AGFG1: variants seen among roughly 807,000 people sequenced by gnomAD.
The protein encoded by AGFG1 is ArfGAP with FG repeats 1.
Under a neutral mutation model 60.6 loss-of-function variants are expected in AGFG1, and 10 were observed. The observed-to-expected ratio is 0.16, with a 90% CI of 0.10 to 0.28. The LOEUF (loss-of-function observed/expected upper bound fraction) is 0.28, where lower values mean the gene tolerates loss of function less well. Among genes scored for constraint, AGFG1 ranks in the 10% least tolerant of loss-of-function variants. The pLI, the probability that AGFG1 is intolerant of heterozygous loss-of-function variation, is 1.00. For synonymous variants in AGFG1, 247 were observed against 242.9 expected (o/e 1.02, Z -0.16); for missense variants, 537 against 676.5 (o/e 0.79, Z 2.29).
At chr2:227,508,688 A>ATTTTTT in intron 2 of AGFG1, 1 of 394,370 alleles carries the variant, frequency 2.5e-6, no homozygotes, top group Non-Finnish European at 5.0e-6. Flanking sequence ...CACTGTTGGG[A>ATTTTTT]TTTTTTTTTT....
rs58323277 is a variant in AGFG1 at position 227,517,768 on chromosome 2, C to T, written c.262-2180C>T. 7.0e-3 allele frequency among the ~76,000 whole-genome samples: 1,065 copies of T among 152,174 alleles called. 21 individuals carry two copies. Among genetic ancestry groups the T allele is most frequent in the African/African-American group, 0.025 (1,018 of 41,486 alleles). On this transcript the variant is annotated intron_variant, in intron 2 of 12. Transcript: ENST00000310078. Reference sequence around the variant, plus strand: ...AGATACTATGCTCTTTTCATAGTGTCGTAATTGCTTATTCTTTAGAATAAT... The same window carrying T: ...AGATACTATGCTCTTTTCATAGTGTTGTAATTGCTTATTCTTTAGAATAAT...
chr2:227,551,420 A>C (rs1175859533), intron 10 of AGFG1, among the ~76,000 whole-genome samples: 1 of 151,936 alleles, frequency 6.6e-6, no homozygotes, highest in Non-Finnish European at 1.5e-5. Flanking sequence ...TGTAGTTACA[A>C]AGCTGCATAG....
At chr2:227,531,844 G>A (rs538904847) in intron 6 of AGFG1, among the ~76,000 whole-genome samples, 97 of 152,078 alleles carry the variant, frequency 6.4e-4, no homozygotes, top group African/African-American at 2.2e-3. Flanking sequence ...AGTAATTTTC[G>A]GGGCAACAAG....
At chr2:227,509,632 G>C (rs1329969235) in intron 2 of AGFG1, among the ~76,000 whole-genome samples, 1 of 152,190 alleles carries the variant, frequency 6.6e-6, no homozygotes, top group South Asian at 2.1e-4. Context: ...GAATGATAAA[G>C]CAAATGTTAC....
At position 227,556,099 on chromosome 2, in the gene AGFG1, G is replaced by A. The variant is rs1269939809; in HGVS notation, c.*1604G>A. On this transcript the variant is annotated 3_prime_UTR_variant, in exon 13 of 13. Transcript: ENST00000310078. ...CTTTATTATGCCTCTAGGTAATTAA[G>A]TAAAGGTGAAATTGCATACACAGAT... 1 of 152,098 alleles carries A rather than the reference G, an allele frequency of 6.6e-6. No homozygotes were observed. The highest frequency in any genetic ancestry group is 1.5e-5 in the Non-Finnish European group (1 of 68,014). 9.4% of individuals were successfully genotyped at this position (152,098 alleles called of 1,614,324 possible). A position where few individuals can be genotyped will look rare whatever the true frequency, so the allele number is the denominator to read the frequency against.
intron 2 of AGFG1, among the ~76,000 whole-genome samples, chr2:227,497,761 T>TG (rs1553541041): frequency 3.1e-5 from 2 of 65,160 alleles, no homozygotes; most frequent in Admixed American, 2.1e-4. Flanking sequence ...TTTTTTTTTT[T>TG]GGGGACGGAG....
chr2:227,519,787 T>G (rs1257016918), intron 2 of AGFG1, among the ~76,000 whole-genome samples, 161 bp from the exon 3 acceptor site: 1 of 152,234 alleles, frequency 6.6e-6, no homozygotes, highest in Non-Finnish European at 1.5e-5. Flanking sequence ...CTGCAACATA[T>G]TAAAAATAAA....
intron 2 of AGFG1, among the ~76,000 whole-genome samples, chr2:227,518,851 T>A (rs1002195135): frequency 2.0e-5 from 3 of 152,168 alleles, no homozygotes; most frequent in Admixed American, 2.0e-4. Flanking sequence ...TTTGGTGAAG[T>A]GTTTGTTCAG....
chr2:227,521,192 A>G (rs1205364503), intron 3 of AGFG1, among the ~76,000 whole-genome samples: 1 of 152,044 alleles, frequency 6.6e-6, no homozygotes, highest in East Asian at 1.9e-4. Flanking sequence ...CAGCCTCCCA[A>G]GTAGCTGGGA....
intron 1 of AGFG1, among the ~76,000 whole-genome samples, chr2:227,483,755 G>A (rs1397880819): frequency 6.6e-6 from 1 of 152,140 alleles, no homozygotes; most frequent in Non-Finnish European, 1.5e-5. Context: ...GAATGGAAAT[G>A]CTGTAAATGT....
chr2:227,533,337 T>G (rs1692216746), intron 6 of AGFG1, among the ~76,000 whole-genome samples: 1 of 152,124 alleles, frequency 6.6e-6, no homozygotes, highest in Non-Finnish European at 1.5e-5. Flanking sequence ...CACAGAAACA[T>G]GTTACTTTAC....
At chr2:227,488,892 C>T (rs1690715597) in intron 1 of AGFG1, among the ~76,000 whole-genome samples, 1 of 152,220 alleles carries the variant, frequency 6.6e-6, no homozygotes, top group Non-Finnish European at 1.5e-5. Context: ...TGGCTCACTG[C>T]ACCCTCTGCC....
chr2:227,527,149 AC>A (rs1692018704), intron 5 of AGFG1, among the ~76,000 whole-genome samples: 1 of 152,204 alleles, frequency 6.6e-6, no homozygotes, highest in African/African-American at 2.4e-5. Flanking sequence ...TGGAGTTGGG[AC>A]AACCTGGGTT....
intron 10 of AGFG1, among the ~76,000 whole-genome samples, chr2:227,550,928 C>T (rs1304760401): frequency 6.6e-6 from 1 of 152,086 alleles, no homozygotes; most frequent in Non-Finnish European, 1.5e-5. Flanking sequence ...ATATTCAAAG[C>T]AACATTATTG....
chr2:227,483,629 C>A (rs1328060576), intron 1 of AGFG1, among the ~76,000 whole-genome samples: 2 of 152,130 alleles, frequency 1.3e-5, no homozygotes, highest in Non-Finnish European at 1.5e-5. Flanking sequence ...TAAGATTAAT[C>A]CAAGTTAGTT....
At chr2:227,509,985 C>T (rs573076798) in intron 2 of AGFG1, among the ~76,000 whole-genome samples, 1 of 152,256 alleles carries the variant, frequency 6.6e-6, no homozygotes, top group East Asian at 1.9e-4. Context: ...TTGTTCTGTG[C>T]CAGGCACCAT....
At chr2:227,490,828 C>A (rs1445459578) in intron 1 of AGFG1, among the ~76,000 whole-genome samples, 1 of 152,134 alleles carries the variant, frequency 6.6e-6, no homozygotes, top group Non-Finnish European at 1.5e-5. Flanking sequence ...GTTCAAACAT[C>A]AAGGTAAAGT....
chr2:227,487,752 G>T (rs138333658), intron 1 of AGFG1, among the ~76,000 whole-genome samples: 3 of 152,190 alleles, frequency 2.0e-5, no homozygotes, highest in East Asian at 3.9e-4. Context: ...GTGGGGTGTG[G>T]GTGGTATAGG....
intron 1 of AGFG1, among the ~76,000 whole-genome samples, chr2:227,483,969 A>T (rs1197657648): frequency 6.6e-6 from 1 of 152,062 alleles, no homozygotes; most frequent in Admixed American, 6.6e-5. Flanking sequence ...CACAACGTGC[A>T]GGTTTGTTAC....
Sources: gnomAD v4.1 joint callset for allele counts (sites outside exome capture counted in the v4.1 genomes callset) on GRCh38, gnomAD v4.1.1 for gene constraint, MANE v1.5 for transcripts, NCBI Gene and HGNC (gene_info 2026-07-23, HGNC 2026-07-21) for gene names.